Variants in SLC12A7 observed in about 807,000 individuals in gnomAD.
SLC12A7 encodes the protein solute carrier family 12 member 7, also known as K-Cl cotransporter 4.
Under a neutral mutation model 120.6 loss-of-function variants are expected in SLC12A7, and 100 were observed. That is an observed-to-expected ratio of 0.83 (90% CI 0.71 to 0.98). The LOEUF is 0.98. Ranked by LOEUF, SLC12A7 falls within the 50% of genes least tolerant of loss-of-function variation. SLC12A7 has a pLI of 0.00. For missense variants in SLC12A7, 1,373 were observed against 1,548.1 expected (o/e 0.89, Z 1.90); for synonymous variants, 760 against 678.0 (o/e 1.12, Z -1.88).
intron 22 of SLC12A7, among the ~76,000 whole-genome samples, chr5:1,056,267 A>T (rs1264868159): frequency 6.6e-6 from 1 of 152,068 alleles, no homozygotes; most frequent in African/African-American, 2.4e-5. Context: ...GGGCCCTGCG[A>T]GGCGCACGCC....
At chr5:1,106,346 G>A (rs552533719) in intron 1 of SLC12A7, among the ~76,000 whole-genome samples, 5 of 151,770 alleles carry the variant, frequency 3.3e-5, no homozygotes, top group East Asian at 1.9e-4. Context: ...CCCGCTACTC[G>A]GGAGGCTGAG....
Position 1,056,102 on chromosome 5 carries a change from C to T in SLC12A7, c.3026+1369G>A, listed in dbSNP as rs944278574. 5.3e-5 allele frequency among the ~76,000 whole-genome samples: 8 copies of T among 152,280 alleles called. No homozygotes were observed. The East Asian group carries it at 5.8e-4, about 11-fold the overall frequency. On this transcript the variant is annotated intron_variant, in intron 22 of 23. Coordinates refer to ENST00000264930, the MANE Select transcript of SLC12A7 (RefSeq NM_006598.3). ...CCTCCCACCTGCCCCGGAGCTCAGA[C>T]GCAGGTAGCTCCTGCCGAGGGTCCG...
At position 1,050,960 on chromosome 5, in the gene SLC12A7, C is replaced by G. The variant is rs904242303; in HGVS notation, c.*1400G>C. On this transcript the variant is annotated 3_prime_UTR_variant, in exon 24 of 24. Transcript: ENST00000264930. ...GGGAGACCATGCAAGCCAGACGTAG[C>G]CCAAGGCCTGGCCATCTGGGGCCTC... 2.5e-6 allele frequency: 1 copy of G among 398,496 alleles called. No individual in the cohort carries two copies. Among genetic ancestry groups the G allele is most frequent in the South Asian group, 1.3e-4 (1 of 7,870 alleles). 24.7% of individuals were successfully genotyped at this position (398,496 alleles called of 1,614,324 possible). A position where few individuals can be genotyped will look rare whatever the true frequency, so the allele number is the denominator to read the frequency against.
chr5:1,090,151 G>A (rs1358597874), intron 3 of SLC12A7, among the ~76,000 whole-genome samples: 2 of 152,186 alleles, frequency 1.3e-5, no homozygotes, highest in Non-Finnish European at 2.9e-5. Context: ...ACCAGGTGAG[G>A]GGCAGCTCCC....
chr5:1,078,770 G>C lies in SLC12A7; in HGVS notation c.1397-12C>G, dbSNP rs377715600. ...AATGCAGGAGAGATCCACAGCCCTC[G>C]TCAAGGAAAGGCAGGTCCGTGGGTG... On this transcript the variant is annotated splice_polypyrimidine_tract_variant and intron_variant, in intron 10 of 23. Transcript: ENST00000264930. 3.2e-6 allele frequency: 5 copies of C among 1,580,542 alleles called. No individual in the cohort carries two copies. The highest frequency in any genetic ancestry group is 4.3e-6 in the Non-Finnish European group (5 of 1,162,932).
intron 2 of SLC12A7, 47 bp from the exon 3 acceptor site, chr5:1,093,702 GC>G (rs1395290759): frequency 5.0e-6 from 8 of 1,604,286 alleles, no homozygotes; most frequent in Admixed American, 1.7e-5. Context: ...CTCGCCGTGG[GC>G]CCCCCGACCT....
intron 1 of SLC12A7, among the ~76,000 whole-genome samples, chr5:1,100,496 G>A (rs765721771): frequency 2.6e-5 from 4 of 152,360 alleles, no homozygotes; most frequent in Middle Eastern, 6.8e-3. Context: ...GCCCATCTGC[G>A]GATCCGACAG....
At position 1,084,273 on chromosome 5, in the gene SLC12A7, G is replaced by A. The variant is rs1298631973; in HGVS notation, c.918-317C>T. 5.3e-5 allele frequency among the ~76,000 whole-genome samples: 8 copies of A among 152,308 alleles called. No homozygotes were observed. In the East Asian group the frequency reaches 9.7e-4, roughly 18 times the overall value. On this transcript the variant is annotated intron_variant, in intron 7 of 23. Coordinates refer to ENST00000264930, the MANE Select transcript of SLC12A7 (RefSeq NM_006598.3). Reference sequence around the variant, plus strand: ...TGGTTCGGCCACCCGTGGTCCAAACGTGCTAAATGAAGCGTTCTAGACGTA... The same window carrying A: ...TGGTTCGGCCACCCGTGGTCCAAACATGCTAAATGAAGCGTTCTAGACGTA...
chr5:1,107,037 A>G (rs1287671797), intron 1 of SLC12A7, among the ~76,000 whole-genome samples: 1 of 152,158 alleles, frequency 6.6e-6, no homozygotes, highest in African/African-American at 2.4e-5. Context: ...ACTAAGCGTG[A>G]GCCGTGAGGG....
At chr5:1,081,996 G>T (rs1240063892) in intron 8 of SLC12A7, among the ~76,000 whole-genome samples, 2 of 151,722 alleles carry the variant, frequency 1.3e-5, no homozygotes, top group Admixed American at 1.3e-4. Context: ...CTCCTGGAAA[G>T]CCTGGGCTTC....
intron 17 of SLC12A7, among the ~76,000 whole-genome samples, chr5:1,066,647 G>A (rs1440531245): frequency 2.0e-5 from 3 of 152,230 alleles, no homozygotes; most frequent in African/African-American, 4.8e-5. Flanking sequence ...GATGTTGAGA[G>A]AGCATCCTGG....
chr5:1,134,716 C>T, the SLC12A7 span, among the ~76,000 whole-genome samples: 1 of 152,146 alleles, frequency 6.6e-6, no homozygotes, highest in African/African-American at 2.4e-5. Flanking sequence ...TATTTGCACA[C>T]CCGTGATTAG....
chr5:1,110,705 C>G (rs1250814483), intron 1 of SLC12A7, among the ~76,000 whole-genome samples: 1 of 152,248 alleles, frequency 6.6e-6, no homozygotes, highest in African/African-American at 2.4e-5. Context: ...CTTGGACTCA[C>G]GGACCCTGCT....
intron 20 of SLC12A7, among the ~76,000 whole-genome samples, chr5:1,060,819 A>G (rs1736104817): frequency 6.6e-6 from 1 of 152,166 alleles, no homozygotes; most frequent in Admixed American, 6.5e-5. Context: ...GTCTATGCTC[A>G]GGGGGGCTTG....
Position 1,053,240 on chromosome 5 carries a change from G to A in SLC12A7, c.3160+109C>T, listed in dbSNP as rs1317893469. ...GTAGCTCCCAGAGCCTGGGGCTGAA[G>A]GAGAGGCGGGAAGCCAGCCTCACTC... On this transcript the variant is annotated intron_variant, in intron 23 of 23. Coordinates refer to ENST00000264930, the MANE Select transcript of SLC12A7 (RefSeq NM_006598.3). 3.0e-6 allele frequency: 4 copies of A among 1,352,648 alleles called. No homozygotes were observed. In the East Asian group the frequency reaches 1.0e-4, roughly 34 times the overall value. 83.8% of individuals were successfully genotyped at this position (1,352,648 alleles called of 1,614,324 possible). A position where few individuals can be genotyped will look rare whatever the true frequency, so the allele number is the denominator to read the frequency against.
At chr5:1,144,023 T>C in the SLC12A7 span, among the ~76,000 whole-genome samples, 1 of 152,058 alleles carries the variant, frequency 6.6e-6, no homozygotes, top group African/African-American at 2.4e-5. Flanking sequence ...CTGTCACCAG[T>C]GTGTTCTAAG....
Position 1,051,800 on chromosome 5 carries a change from C to T in SLC12A7, c.*560G>A, listed in dbSNP as rs1735065484. 6.5e-6 allele frequency: 1 copy of T among 152,724 alleles called. No individual in the cohort carries two copies. The highest frequency in any genetic ancestry group is 6.5e-5 in the Admixed American group (1 of 15,316). 9.5% of individuals were successfully genotyped at this position (152,724 alleles called of 1,614,324 possible). A position where few individuals can be genotyped will look rare whatever the true frequency, so the allele number is the denominator to read the frequency against. ...CCCAGAGGCTCCCACACGAGGGTGA[C>T]ACGGGCATGGACAGAGTCCTCCAGC... On this transcript the variant is annotated 3_prime_UTR_variant, in exon 24 of 24. Coordinates refer to ENST00000264930, the MANE Select transcript of SLC12A7 (RefSeq NM_006598.3).
Position 1,063,982 on chromosome 5 carries a change from A to T in SLC12A7, c.2608-7T>A. On this transcript the variant is annotated splice_region_variant and splice_polypyrimidine_tract_variant and intron_variant, in intron 19 of 23. Transcript: ENST00000264930. Reference sequence around the variant, plus strand: ...TCCGGCACTTCCTCCACACCTGCAGACAGGGAGGGCATGGCTGTGGGGCCT... The same window carrying T: ...TCCGGCACTTCCTCCACACCTGCAGTCAGGGAGGGCATGGCTGTGGGGCCT... The T allele has an allele frequency of 6.2e-7, 1 of 1,611,784 alleles. No individual in the cohort carries two copies.
chr5:1,140,217 G>A, the SLC12A7 span, among the ~76,000 whole-genome samples: 1 of 152,228 alleles, frequency 6.6e-6, no homozygotes, highest in African/African-American at 2.4e-5. Flanking sequence ...CTGCATGCAG[G>A]GAGCAGGGCC....
Sources: allele counts gnomAD v4.1 joint callset (sites outside exome capture counted in the v4.1 genomes callset), GRCh38; gene constraint gnomAD v4.1.1; transcripts MANE v1.5; gene names NCBI Gene and HGNC (gene_info 2026-07-23, HGNC 2026-07-21).